CAMKK2: variants seen among roughly 807,000 people sequenced by gnomAD.
CAMKK2 encodes the protein calcium/calmodulin-dependent protein kinase kinase 2.
A neutral mutation model predicts 67.2 loss-of-function variants in CAMKK2; 30 were observed. That is an observed-to-expected ratio of 0.45 (90% CI 0.33 to 0.61). CAMKK2 has a LOEUF of 0.61. Among genes scored for constraint, CAMKK2 ranks in the 20% least tolerant of loss-of-function variants. CAMKK2 has a pLI of 0.02. For missense variants in CAMKK2, 643 were observed against 802.0 expected (o/e 0.80, Z 2.39); for synonymous variants, 322 against 326.2 (o/e 0.99, Z 0.14).
intron 1 of CAMKK2, among the ~76,000 whole-genome samples, chr12:121,278,657 G>A (rs543131873): frequency 3.2e-4 from 48 of 152,320 alleles, no homozygotes; most frequent in African/African-American, 7.2e-4. Flanking sequence ...GCCTGCTGCC[G>A]TCCATGTAAG....
At chr12:121,271,867 C>G (rs1338294385) in intron 2 of CAMKK2, among the ~76,000 whole-genome samples, 1 of 152,146 alleles carries the variant, frequency 6.6e-6, no homozygotes, top group East Asian at 1.9e-4. Context: ...ACCACCACGC[C>G]CAGCTAAATT....
chr12:121,255,037 G>GT (rs928257343), intron 9 of CAMKK2, among the ~76,000 whole-genome samples: 3 of 149,886 alleles, frequency 2.0e-5, no homozygotes, highest in Non-Finnish European at 4.4e-5. Context: ...CCCAGCCTAT[G>GT]TTTTTTTCCT....
intron 16 of CAMKK2, chr12:121,244,002 T>G: frequency 6.5e-7 from 1 of 1,539,600 alleles, no homozygotes; most frequent in Non-Finnish European, 8.8e-7. Flanking sequence ...CCTGGGAGGT[T>G]CTGGTCACCT....
intron 1 of CAMKK2, among the ~76,000 whole-genome samples, chr12:121,278,155 A>G (rs753538118): frequency 6.6e-6 from 1 of 152,064 alleles, no homozygotes; most frequent in African/African-American, 2.4e-5. Context: ...GAAAGAAATC[A>G]TCAACTCTGT....
intron 1 of CAMKK2, among the ~76,000 whole-genome samples, chr12:121,282,362 T>A (rs1897959034): frequency 1.3e-5 from 2 of 152,012 alleles, no homozygotes; most frequent in Admixed American, 1.3e-4. Context: ...CTGCTGTGAG[T>A]TGAACTGTGT....
intron 3 of CAMKK2, among the ~76,000 whole-genome samples, chr12:121,270,458 G>C (rs1201169880): frequency 2.6e-5 from 4 of 151,766 alleles, no homozygotes; most frequent in African/African-American, 7.3e-5. Context: ...ATATGTTAAT[G>C]GTTTGCCACT....
chr12:121,249,659 C>T, intron 13 of CAMKK2, 128 bp downstream of exon 13: 1 of 813,066 alleles, frequency 1.2e-6, no homozygotes, highest in Admixed American at 1.8e-5. Context: ...GCTCAGAGGC[C>T]CTGGGGCATA....
chr12:121,256,682 T>C (rs1892359846), intron 7 of CAMKK2, among the ~76,000 whole-genome samples: 1 of 152,200 alleles, frequency 6.6e-6, no homozygotes, highest in South Asian at 2.1e-4. Flanking sequence ...TTCTTTCACT[T>C]AGCATCATTA....
intron 1 of CAMKK2, among the ~76,000 whole-genome samples, chr12:121,283,685 C>G (rs566122141): frequency 5.9e-5 from 9 of 152,250 alleles, no homozygotes; most frequent in Non-Finnish European, 8.8e-5. Flanking sequence ...GCATGGTACT[C>G]ACACCTGTAG....
At chr12:121,258,481 G>A (rs1157478457) in intron 7 of CAMKK2, among the ~76,000 whole-genome samples, 1 of 152,108 alleles carries the variant, frequency 6.6e-6, no homozygotes, top group Non-Finnish European at 1.5e-5. Flanking sequence ...ACAGGCATGA[G>A]CCACCGCACC....
intron 4 of CAMKK2, among the ~76,000 whole-genome samples, chr12:121,269,257 C>G (rs1011373633): frequency 3.3e-5 from 5 of 152,166 alleles, no homozygotes; most frequent in Non-Finnish European, 7.3e-5. Flanking sequence ...GCCTTGTTCT[C>G]AATACTATGG....
At chr12:121,278,513 TG>T (rs1265441519) in intron 1 of CAMKK2, among the ~76,000 whole-genome samples, 1 of 152,226 alleles carries the variant, frequency 6.6e-6, no homozygotes, top group Non-Finnish European at 1.5e-5. Context: ...TCCCGTGTGT[TG>T]TGGGAGGGAC....
intron 1 of CAMKK2, among the ~76,000 whole-genome samples, chr12:121,288,238 T>C (rs1269033853): frequency 6.6e-6 from 1 of 152,198 alleles, no homozygotes; most frequent in Admixed American, 6.5e-5. Context: ...AAAAGACTTC[T>C]ACCCAGCATG....
At position 121,267,649 on chromosome 12, in the gene CAMKK2, C is replaced by T. The variant is rs186970794; in HGVS notation, c.625+989G>A. Reference sequence around the variant, plus strand: ...CTGGGATTACAGGCACACACCACTACGCTCAGCTAGTTTTTCTATTTTTAG... The same window carrying T: ...CTGGGATTACAGGCACACACCACTATGCTCAGCTAGTTTTTCTATTTTTAG... On this transcript the variant is annotated intron_variant, in intron 5 of 16. Transcript: ENST00000404169. 8.6e-4 allele frequency among the ~76,000 whole-genome samples: 131 copies of T among 151,952 alleles called. 1 individual carries two copies. The highest frequency in any genetic ancestry group is 1.2e-3 in the Non-Finnish European group (82 of 67,976).
chr12:121,273,277 G>A (rs2136429902), intron 2 of CAMKK2, among the ~76,000 whole-genome samples: 1 of 152,112 alleles, frequency 6.6e-6, no homozygotes, highest in South Asian at 2.1e-4. Flanking sequence ...GGGTGGTGGG[G>A]GAGGTGGTTC....
intron 16 of CAMKK2, among the ~76,000 whole-genome samples, chr12:121,241,636 G>A (rs974506961): frequency 2.0e-5 from 3 of 152,238 alleles, no homozygotes; most frequent in Non-Finnish European, 4.4e-5. Context: ...CATGCCACAT[G>A]GGTTACTGTC....
At chr12:121,255,222 ATATATATATAATTT>A (rs1891674170) in intron 9 of CAMKK2, among the ~76,000 whole-genome samples, 1 of 17,490 alleles carries the variant, frequency 5.7e-5, no homozygotes, top group Non-Finnish European at 8.9e-5. Context: ...ATATAATTTT[ATATATATATAATTT>A]TATATATATA....
intron 1 of CAMKK2, among the ~76,000 whole-genome samples, chr12:121,289,884 C>CA (rs1392032434): frequency 6.9e-6 from 1 of 145,628 alleles, no homozygotes; most frequent in African/African-American, 2.7e-5. Flanking sequence ...CAGAGCAAGA[C>CA]CCTGTCTTTA....
In CAMKK2 at chr12:121,274,587, T is replaced by C; in HGVS notation, c.-59-2A>G. 1.6e-6 allele frequency: 2 copies of C among 1,226,532 alleles called. No homozygotes were observed. Among genetic ancestry groups the C allele is most frequent in the Non-Finnish European group, 2.3e-6 (2 of 884,158 alleles). The allele number at this position is 1,226,532 out of a possible 1,614,324, so 76.0% of individuals were successfully genotyped here. ...ACTCCCATCCGGCAGCGGAGCCACC[T>C]GCAGAAAGAGAAAGGGTCAGCTGGC... On this transcript the variant is annotated splice_acceptor_variant, in intron 1 of 16. Coordinates refer to ENST00000404169, the MANE Select transcript of CAMKK2 (RefSeq NM_001270485.2). LOFTEE classifies it low-confidence loss of function (5UTR_SPLICE).
Sources: allele counts gnomAD v4.1 joint callset (sites outside exome capture counted in the v4.1 genomes callset), GRCh38; gene constraint gnomAD v4.1.1; transcripts MANE v1.5; gene names NCBI Gene and HGNC (gene_info 2026-07-23, HGNC 2026-07-21).